RORA: variants seen among roughly 807,000 people sequenced by gnomAD.
The protein encoded by RORA is RAR related orphan receptor A.
Under a neutral mutation model 69.5 loss-of-function variants are expected in RORA, and 7 were observed. The observed-to-expected ratio is 0.10, with a 90% CI of 0.06 to 0.19. RORA has a LOEUF of 0.19. RORA is among the 10% of genes least tolerant of loss of function. The probability of loss-of-function intolerance (pLI) is 1.00; values close to 1 mark genes in which losing one functional copy is unlikely to be tolerated. For synonymous variants in RORA, 261 were observed against 240.8 expected (o/e 1.08, Z -0.78); for missense variants, 457 against 663.0 (o/e 0.69, Z 3.41).
chr15:61,081,861 G>A (rs1429855918), intron 1 of RORA, among the ~76,000 whole-genome samples: 1 of 151,472 alleles, frequency 6.6e-6, no homozygotes, highest in African/African-American at 2.4e-5. Flanking sequence ...TACAGCAAGT[G>A]CTAGACACCT....
At chr15:61,143,739 C>A (rs574107854) in intron 1 of RORA, among the ~76,000 whole-genome samples, 2 of 152,176 alleles carry the variant, frequency 1.3e-5, no homozygotes, top group East Asian at 3.9e-4. Context: ...AATGCTGGTT[C>A]CACTCTCACT....
In RORA at chr15:61,199,507, C is replaced by T. The variant is rs534682809; in HGVS notation, c.166+29546G>A. On this transcript the variant is annotated intron_variant, in intron 1 of 10. Transcript: ENST00000335670. ...AGAAAGAAAAATCCCGTTTTGACTC[C>T]TGAGGCTTAACTGGGATTCCCAGCT... is the stretch of plus-strand genomic sequence containing the variant. Among the ~76,000 whole-genome samples, 6 of 152,320 alleles carry T rather than the reference C, an allele frequency of 3.9e-5. No homozygotes were observed. The East Asian group carries it at 1.2e-3, about 29-fold the overall frequency.
At chr15:61,046,631 G>A (rs1897042312) in intron 1 of RORA, among the ~76,000 whole-genome samples, 2 of 152,306 alleles carry the variant, frequency 1.3e-5, no homozygotes, top group South Asian at 4.1e-4. Context: ...TCTGACAAAT[G>A]TTGCTTAATA....
intron 2 of RORA, among the ~76,000 whole-genome samples, chr15:60,586,395 C>G (rs2068335168): frequency 6.6e-6 from 1 of 151,968 alleles, no homozygotes; most frequent in South Asian, 2.1e-4. Flanking sequence ...TGTGGGAAGG[C>G]AGAACCACAC....
rs572745544 is a variant in RORA, at chr15:60,834,872, T to C, written c.167-156186A>G. ...CCCTCTCACACTGCAATAGTATATT[T>C]TCCTTCAGGACCCTCATCTTCGCAG... On this transcript the variant is annotated intron_variant, in intron 1 of 10. Coordinates refer to ENST00000335670, the MANE Select transcript of RORA (RefSeq NM_134261.3). Among the ~76,000 whole-genome samples the C allele has an allele frequency of 5.8e-4, 88 of 152,248 alleles. No homozygotes were observed. In the South Asian group the frequency reaches 7.1e-3, roughly 12 times the overall value.
intron 2 of RORA, among the ~76,000 whole-genome samples, chr15:60,639,794 AAGAGT>A (rs2069909090): frequency 6.6e-6 from 1 of 152,228 alleles, no homozygotes; most frequent in African/African-American, 2.4e-5. Flanking sequence ...AAGGTGGTAG[AAGAGT>A]AATGAGAGAA....
At chr15:61,077,805 G>GT (rs952061806) in intron 1 of RORA, among the ~76,000 whole-genome samples, 6 of 152,134 alleles carry the variant, frequency 3.9e-5, no homozygotes, top group Non-Finnish European at 8.8e-5. Flanking sequence ...TCCCTTAGAT[G>GT]TTTTTTCAAC....
chr15:60,911,397 C>A (rs1165754815), intron 1 of RORA, among the ~76,000 whole-genome samples: 1 of 152,084 alleles, frequency 6.6e-6, no homozygotes, highest in African/African-American at 2.4e-5. Flanking sequence ...CAGATCAACC[C>A]AATTTTCTGT....
intron 1 of RORA, among the ~76,000 whole-genome samples, chr15:61,110,045 TCA>T (rs10537295): frequency 0.5 from 75,963 of 151,956 alleles, 19,537 homozygotes; most frequent in East Asian, 0.69. Flanking sequence ...AATGAGTTAA[TCA>T]CACATTTGTG....
intron 1 of RORA, among the ~76,000 whole-genome samples, chr15:60,821,797 C>T (rs989187867): frequency 2.0e-5 from 3 of 152,210 alleles, no homozygotes; most frequent in African/African-American, 7.2e-5. Flanking sequence ...AATCACTCTA[C>T]AAGAGCCCCA....
intron 1 of RORA, among the ~76,000 whole-genome samples, chr15:60,876,318 G>T (rs1427398791): frequency 0.012 from 1,808 of 150,588 alleles, 100 homozygotes; most frequent in African/African-American, 0.041. Flanking sequence ...AAGTGGGGGG[G>T]GGGGGGGGCG....
At chr15:60,683,733 T>C (rs1340803294) in intron 1 of RORA, among the ~76,000 whole-genome samples, 1 of 151,666 alleles carries the variant, frequency 6.6e-6, no homozygotes, top group Non-Finnish European at 1.5e-5. Flanking sequence ...AACTTAACAA[T>C]ATGACAGAAG....
At chr15:60,714,194 C>A (rs2071186574) in intron 1 of RORA, among the ~76,000 whole-genome samples, 1 of 152,004 alleles carries the variant, frequency 6.6e-6, no homozygotes, top group South Asian at 2.1e-4. Flanking sequence ...GCTGAGATTA[C>A]AGGTGCATGC....
chr15:61,125,522 A>G (rs1402380291), intron 1 of RORA, among the ~76,000 whole-genome samples: 2 of 152,262 alleles, frequency 1.3e-5, no homozygotes, highest in African/African-American at 4.8e-5. Flanking sequence ...TATACAGTAT[A>G]TCAGATTGTT....
rs551940114 is a variant in RORA, at chr15:60,875,508, T to C, written c.167-196822A>G. 3.9e-5 allele frequency among the ~76,000 whole-genome samples: 6 copies of C among 152,286 alleles called. No individual in the cohort carries two copies. In the East Asian group the frequency reaches 1.2e-3, roughly 29 times the overall value. On this transcript the variant is annotated intron_variant, in intron 1 of 10. Transcript: ENST00000335670. ...ACTTGCTGTCCTTCCTGGATCTCGG[T>C]AAATCATGTGATCCATGAGTAATAA...
Position 60,760,948 on chromosome 15 carries a change from G to A in RORA, c.167-82262C>T, listed in dbSNP as rs187762389. ...AGATTGTTGCTTTTGTAGATAAAAA[G>A]TGGTCAAATATCAGAGTTTTTGTAT... On this transcript the variant is annotated intron_variant, in intron 1 of 10. Transcript: ENST00000335670. 2.2e-3 allele frequency among the ~76,000 whole-genome samples: 341 copies of A among 152,218 alleles called. 1 individual carries two copies. Among genetic ancestry groups the A allele is most frequent in the South Asian group, 5.6e-3 (27 of 4,818 alleles).
rs80039370 is a variant in RORA, at chr15:60,522,309, G to A, written c.283-7552C>T. ...CCTACTCTGTATTCTGTGAAAGAGCGGGTCGGGTGGCTTGAAAATGGCCAT... is the reference window on the plus strand; with the variant it reads ...CCTACTCTGTATTCTGTGAAAGAGCAGGTCGGGTGGCTTGAAAATGGCCAT... On this transcript the variant is annotated intron_variant, in intron 3 of 10. Transcript: ENST00000335670. Among the ~76,000 whole-genome samples, 217 of 152,300 alleles carry A rather than the reference G, an allele frequency of 1.4e-3. 4 individuals are homozygous for A. In the East Asian group the frequency reaches 0.031, roughly 22 times the overall value.
chr15:60,892,385 T>C (rs1238100019), intron 1 of RORA, among the ~76,000 whole-genome samples: 1 of 152,188 alleles, frequency 6.6e-6, no homozygotes, highest in Admixed American at 6.5e-5. Flanking sequence ...AATTATATAG[T>C]GAAGGAGCCA....
At chr15:60,943,670 C>G (rs1465055478) in intron 1 of RORA, among the ~76,000 whole-genome samples, 1 of 151,798 alleles carries the variant, frequency 6.6e-6, no homozygotes, top group Non-Finnish European at 1.5e-5. Flanking sequence ...AATCCCAGCA[C>G]TTTGGGAGGC....
Sources: gnomAD v4.1 joint callset for allele counts (sites outside exome capture counted in the v4.1 genomes callset) on GRCh38, gnomAD v4.1.1 for gene constraint, MANE v1.5 for transcripts, NCBI Gene and HGNC (gene_info 2026-07-23, HGNC 2026-07-21) for gene names.